The following ANO4 variants were observed in gnomAD, a reference collection of about 807,000 sequenced individuals.
The protein encoded by ANO4 is anoctamin 4.
Under a neutral mutation model 141.9 loss-of-function variants are expected in ANO4, and 69 were observed. The observed-to-expected ratio is 0.49, with a 90% confidence interval of 0.40 to 0.59. The LOEUF (loss-of-function observed/expected upper bound fraction) is 0.59. Ranked by LOEUF, ANO4 falls within the 20% of genes least tolerant of loss-of-function variation. ANO4 has a pLI of 0.00. For synonymous variants in ANO4, 350 were observed against 394.3 expected, an observed-to-expected ratio of 0.89 and a Z score of 1.33; for missense variants, 894 against 1,162.2, an observed-to-expected ratio of 0.77 and a Z score of 3.36.
intron 1 of ANO4, among the ~76,000 whole-genome samples, chr12:100,826,591 TTCC>T (rs921304305): frequency 4.2e-4 from 46 of 110,738 alleles, no homozygotes; most frequent in African/African-American, 1.5e-3. Flanking sequence ...TAGGGATGGT[TTCC>T]TCCTCCCAAC....
chr12:100,859,507 A>C (rs1291302857), intron 1 of ANO4, among the ~76,000 whole-genome samples: 1 of 152,190 alleles, frequency 6.6e-6, no homozygotes, highest in East Asian at 1.9e-4. Flanking sequence ...TGACTAATAC[A>C]CTGAAACAGT....
chr12:101,093,882 G>A (rs530005178), intron 17 of ANO4, among the ~76,000 whole-genome samples: 1 of 152,234 alleles, frequency 6.6e-6, no homozygotes, highest in South Asian at 2.1e-4. Flanking sequence ...ATCAGAAGCG[G>A]GCTTAGAGAT....
chr12:100,801,728 C>T (rs1593365343), intron 1 of ANO4, among the ~76,000 whole-genome samples: 1 of 100,024 alleles, frequency 1.0e-5, no homozygotes, highest in African/African-American at 4.0e-5. Flanking sequence ...AATCAGGTGA[C>T]TTTGATGGAG....
chr12:100,853,858 T>G (rs1255071788), intron 1 of ANO4, among the ~76,000 whole-genome samples: 2 of 152,152 alleles, frequency 1.3e-5, no homozygotes, highest in Non-Finnish European at 1.5e-5. Context: ...ATATTACAAT[T>G]GTTCAGTATT....
intron 1 of ANO4, among the ~76,000 whole-genome samples, chr12:100,893,959 G>T (rs1371967645): frequency 1.3e-5 from 2 of 152,144 alleles, no homozygotes; most frequent in African/African-American, 2.4e-5. Context: ...TTTAAGTAAC[G>T]CTGGTCAAAC....
At chr12:100,996,687 A>G (rs1004538177) in intron 8 of ANO4, among the ~76,000 whole-genome samples, 2 of 152,204 alleles carry the variant, frequency 1.3e-5, no homozygotes, top group African/African-American at 4.8e-5. Context: ...CTCCGTCTCA[A>G]AAGGCAGTGG....
intron 8 of ANO4, among the ~76,000 whole-genome samples, chr12:100,988,615 G>GA (rs148691309): frequency 0.17 from 25,822 of 151,522 alleles, 2,570 homozygotes; most frequent in Middle Eastern, 0.27. Flanking sequence ...GCTCACATCT[G>GA]TAATACCTGC....
intron 1 of ANO4, among the ~76,000 whole-genome samples, chr12:100,898,563 A>G (rs922077842): frequency 1.4e-4 from 21 of 152,078 alleles, no homozygotes; most frequent in Middle Eastern, 3.4e-3. Context: ...ATTATTTTTT[A>G]TTTTTAACAT....
intron 2 of ANO4, among the ~76,000 whole-genome samples, chr12:100,916,517 C>T (rs2041350260): frequency 6.6e-6 from 1 of 152,076 alleles, no homozygotes; most frequent in East Asian, 1.9e-4. Flanking sequence ...ACAGTTTGAT[C>T]CCAGGCTTCA....
chr12:100,794,015 T>A (rs1479936712), upstream of ANO4, among the ~76,000 whole-genome samples: 1 of 152,204 alleles, frequency 6.6e-6, no homozygotes, highest in East Asian at 1.9e-4. Flanking sequence ...ATAGGTGATT[T>A]AAGAGCTCTA....
At chr12:100,868,766 A>T (rs1466210438) in intron 1 of ANO4, among the ~76,000 whole-genome samples, 2 of 152,180 alleles carry the variant, frequency 1.3e-5, no homozygotes, top group Non-Finnish European at 2.9e-5. Context: ...CATTTCTGAG[A>T]CTTCAGATTT....
chr12:101,026,856 AAAG>A (rs1175723306), intron 9 of ANO4, among the ~76,000 whole-genome samples: 1 of 110,088 alleles, frequency 9.1e-6, no homozygotes, highest in South Asian at 3.1e-4. Context: ...ATAATTCATA[AAAG>A]AAGAAAAAAA....
intron 14 of ANO4, among the ~76,000 whole-genome samples, chr12:101,067,618 A>C (rs539909487): frequency 6.6e-6 from 1 of 152,148 alleles, no homozygotes; most frequent in South Asian, 2.1e-4. Context: ...GGGAGGTAGA[A>C]GTTGCAGTGA....
intron 14 of ANO4, among the ~76,000 whole-genome samples, chr12:101,054,526 G>A (rs555916461): frequency 6.6e-6 from 1 of 152,282 alleles, no homozygotes; most frequent in Admixed American, 6.5e-5. Flanking sequence ...TTGAGACGGA[G>A]TCTCGCTCTG....
At chr12:101,118,512 C>T (rs779310163) in intron 25 of ANO4, among the ~76,000 whole-genome samples, 1 of 152,066 alleles carries the variant, frequency 6.6e-6, no homozygotes, top group Non-Finnish European at 1.5e-5. Context: ...AGTCATATAG[C>T]AGGTGAGGCA....
chr12:100,969,684 AAAC>A (rs1397215895), intron 5 of ANO4, among the ~76,000 whole-genome samples: 6 of 150,248 alleles, frequency 4.0e-5, no homozygotes, highest in Non-Finnish European at 7.4e-5. Context: ...AGTTGTGCAA[AAAC>A]AACAAGAAGA....
At chr12:100,775,540 T>C (rs946217747) in intron 3 of ANO4, among the ~76,000 whole-genome samples, 1 of 152,244 alleles carries the variant, frequency 6.6e-6, no homozygotes, top group African/African-American at 2.4e-5. Context: ...TTTATAATTG[T>C]GTGACCTTGG....
At chr12:100,750,563 A>G (rs1459578788) in intron 3 of ANO4, among the ~76,000 whole-genome samples, 2 of 152,154 alleles carry the variant, frequency 1.3e-5, no homozygotes, top group African/African-American at 4.8e-5. Context: ...GTGGTCACTA[A>G]CAGGCAGATG....
At chr12:100,896,552 T>G (rs2040364654) in intron 1 of ANO4, among the ~76,000 whole-genome samples, 1 of 152,208 alleles carries the variant, frequency 6.6e-6, no homozygotes. Context: ...GCCGACACCA[T>G]GGTGAGAGAC....
Sources: gnomAD v4.1 joint callset for allele counts (sites outside exome capture counted in the v4.1 genomes callset) on GRCh38, gnomAD v4.1.1 for gene constraint, MANE v1.5 for transcripts, NCBI Gene and HGNC (gene_info 2026-07-23, HGNC 2026-07-21) for gene names.